The following ADD2 variants were observed in gnomAD, a reference collection of about 807,000 sequenced individuals.
ADD2 encodes the protein beta-adducin.
ADD2 carries 23 observed loss-of-function variants against 83.0 expected under a neutral mutation model. The observed-to-expected ratio is 0.28, with a 90% confidence interval of 0.20 to 0.39. The LOEUF is 0.39. Ranked by LOEUF, ADD2 falls within the 10% of genes least tolerant of loss-of-function variation. The pLI, the probability that ADD2 is intolerant of heterozygous loss-of-function variation, is 1.00. For missense variants in ADD2, 758 were observed against 944.9 expected, an observed-to-expected ratio of 0.80 and a Z score of 2.59; for synonymous variants, 375 against 375.4, an observed-to-expected ratio of 1.00 and a Z score of 0.01.
intron 1 of ADD2, among the ~76,000 whole-genome samples, chr2:70,723,947 T>G (rs1558560638): frequency 6.6e-6 from 1 of 152,224 alleles, no homozygotes; most frequent in Non-Finnish European, 1.5e-5. Flanking sequence ...GAAAAGGGCA[T>G]TTCAAGCACA....
chr2:70,687,909 TA>T (rs1460619536), intron 9 of ADD2, 114 bp downstream of exon 9: 1 of 716,742 alleles, frequency 1.4e-6, no homozygotes, highest in Non-Finnish European at 2.4e-6. Context: ...GCAAGGCTTT[TA>T]GATGGCTGGG....
intron 1 of ADD2, among the ~76,000 whole-genome samples, chr2:70,724,148 A>G (rs1672867356): frequency 6.6e-6 from 1 of 152,172 alleles, no homozygotes; most frequent in Non-Finnish European, 1.5e-5. Flanking sequence ...TGTTAAATGA[A>G]AAAGGTGTTG....
chr2:70,710,987 A>G (rs1318978866), intron 2 of ADD2: 1 of 152,236 alleles, frequency 6.6e-6, no homozygotes, highest in African/African-American at 2.4e-5. Context: ...AAATAACTGT[A>G]ATTATGTGTT....
At chr2:70,666,058 C>T (rs977597897) in intron 15 of ADD2, among the ~76,000 whole-genome samples, 5 of 152,214 alleles carry the variant, frequency 3.3e-5, no homozygotes, top group Non-Finnish European at 7.3e-5. Flanking sequence ...TCGTGATCCG[C>T]CCACCTTGGC....
rs1209235344 is a variant in ADD2, at chr2:70,672,732, C to G, written c.1870+146G>C. ...AGCTTGTGAGTGAAACAACATGAAA[C>G]TTGATAACCCCTATTTCTGATTTCC... On this transcript the variant is annotated intron_variant, in intron 15 of 15. Transcript: ENST00000264436. 5.4e-6 allele frequency: 5 copies of G among 918,152 alleles called. No homozygotes were observed. In the Admixed American group the frequency reaches 1.5e-4, roughly 28 times the overall value. The allele number at this position is 918,152 out of a possible 1,614,324, so 56.9% of individuals were successfully genotyped here.
chr2:70,684,706 C>T (rs918475127), intron 9 of ADD2, among the ~76,000 whole-genome samples: 9 of 152,200 alleles, frequency 5.9e-5, no homozygotes, highest in African/African-American at 2.2e-4. Flanking sequence ...AGAAAGGAGA[C>T]AGATAAAATG....
In ADD2 at chr2:70,738,876, C is replaced by T. The variant is rs1399909941; in HGVS notation, c.-153-25692G>A. Among the ~76,000 whole-genome samples the T allele has an allele frequency of 4.6e-5, 7 of 152,180 alleles. No homozygotes were observed. The South Asian group carries it at 1.5e-3, about 32-fold the overall frequency. On this transcript the variant is annotated intron_variant, in intron 1 of 15. Coordinates refer to ENST00000264436, the MANE Select transcript of ADD2 (RefSeq NM_001617.4). ...CTGGACCCCTTCCTTACACCATATACAAAAATCAACTCAAGATGCATTAAA... is the reference window on the plus strand; with the variant it reads ...CTGGACCCCTTCCTTACACCATATATAAAAATCAACTCAAGATGCATTAAA...
chr2:70,741,215 A>G (rs561337861), intron 1 of ADD2: 170 of 152,390 alleles, frequency 1.1e-3, no homozygotes, highest in African/African-American at 3.9e-3. Context: ...GGCAAAGAAC[A>G]GTAGCTTATA....
In ADD2 at chr2:70,676,949, G is replaced by C; in HGVS notation, c.1504-64C>G. ...CAGGGTCAGCGTGGAGTTTGGGAGG[G>C]GGCATACGGGTGTGCCTGGGGTCTA... On this transcript the variant is annotated intron_variant, in intron 12 of 15. Coordinates refer to ENST00000264436, the MANE Select transcript of ADD2 (RefSeq NM_001617.4). This position sits in a 1 kb window ranked among gnomAD's most constrained non-coding sequence, Gnocchi z 4.8. 1 of 1,575,188 alleles carries C rather than the reference G, an allele frequency of 6.3e-7. No homozygotes were observed.
Position 70,696,297 on chromosome 2 carries a change from T to C in ADD2, c.422A>G (p.Tyr141Cys). The C allele has an allele frequency of 1.2e-6, 2 of 1,613,840 alleles. No homozygotes were observed. The highest frequency in any genetic ancestry group is 2.2e-5 in the East Asian group (1 of 44,876). Residue 141 changes from tyrosine to cysteine, a missense_variant, in exon 5 of 16, where the codon TAC (tyrosine) becomes TGC (cysteine). Coordinates refer to ENST00000264436, the MANE Select transcript of ADD2 (RefSeq NM_001617.4). ...CCAGCCATAGAGGTCCAGGAGTCGG[T>C]AGACACTGCTGATCTTGCACCGCAT... ...RLMRCKISSV[Y>C]RLLDLYGWAQ...
intron 3 of ADD2, among the ~76,000 whole-genome samples, chr2:70,705,185 C>T (rs1280924838): frequency 6.6e-6 from 1 of 152,206 alleles, no homozygotes; most frequent in African/African-American, 2.4e-5. Context: ...CTCCTAGTCA[C>T]ACTCTGGGGG....
Position 70,678,859 on chromosome 2 carries a change from C to T in ADD2, c.1228G>A (p.Glu410Lys), listed in dbSNP as rs1553368974. The T allele has an allele frequency of 1.9e-6, 3 of 1,614,120 alleles. No homozygotes were observed. Among genetic ancestry groups the T allele is most frequent in the South Asian group, 1.1e-5 (1 of 91,090 alleles). ...GCGGGCACCGGGGCACCGTCCTCCT[C>T]AAACACGAAGGCTGTGACCGTGGCT... Reference protein sequence around the residue: ...IPATVTAFVFEEDGAPVPALR... With the variant: ...IPATVTAFVFKEDGAPVPALR... The change falls in exon 11 of 16, where the codon GAG (glutamate) becomes AAG (lysine). Residue 410 changes from glutamate to lysine, a missense_variant. Around this residue, in one of 5 missense-constraint regions of ADD2, gnomAD observed 394 missense variants for 509.3 expected, o/e 0.77. Coordinates refer to ENST00000264436, the MANE Select transcript of ADD2 (RefSeq NM_001617.4).
At chr2:70,713,830 C>T (rs1385302367) in intron 1 of ADD2, among the ~76,000 whole-genome samples, 1 of 151,958 alleles carries the variant, frequency 6.6e-6, no homozygotes, top group South Asian at 2.1e-4. Flanking sequence ...CTTCCTGAGA[C>T]CCCCAAAACA....
In ADD2 at chr2:70,704,345, C is replaced by T. The variant is rs782349268; in HGVS notation, c.298G>A (p.Ala100Thr). 1.6e-5 allele frequency: 25 copies of T among 1,568,030 alleles called. No homozygotes were observed. The South Asian group carries it at 1.8e-4, about 11-fold the overall frequency. The change falls in exon 4 of 16, where the codon GCA becomes ACA. Residue 100 changes from alanine (A) to threonine (T), a missense_variant. Physicochemically the swap from Ala to Thr is moderately conservative, Grantham distance 58 (BLOSUM62 0). This residue lies in a region of ADD2 where 175 missense variants were observed against 192.1 expected (regional missense o/e 0.91). Coordinates refer to ENST00000264436, the MANE Select transcript of ADD2 (RefSeq NM_001617.4). Reference protein sequence around the residue: ...IADFMASTSHAVFPTSSMNVS... With the variant: ...IADFMASTSHTVFPTSSMNVS... ...CTCATGGAAGATGTCGGGAAGACTG[C>T]GTGGGAGGTGCTGGCCATGAAGTCC...
intron 8 of ADD2, among the ~76,000 whole-genome samples, chr2:70,690,558 C>T (rs1048553131): frequency 6.6e-6 from 1 of 152,086 alleles, no homozygotes; most frequent in Non-Finnish European, 1.5e-5. Flanking sequence ...AAGGTAATTA[C>T]TATATATTGC....
chr2:70,737,864 A>G (rs1553380462), intron 1 of ADD2, among the ~76,000 whole-genome samples: 1 of 152,176 alleles, frequency 6.6e-6, no homozygotes, highest in Non-Finnish European at 1.5e-5. Flanking sequence ...AGGCCAAAGG[A>G]GCACAAGTCA....
chr2:70,720,183 T>C (rs1266758542), intron 1 of ADD2, among the ~76,000 whole-genome samples: 2 of 152,152 alleles, frequency 1.3e-5, no homozygotes, highest in Non-Finnish European at 2.9e-5. Flanking sequence ...AATCCTGCAC[T>C]ATCCCTCCCC....
chr2:70,766,137 T>A (rs1675368015), intron 1 of ADD2, among the ~76,000 whole-genome samples: 1 of 152,250 alleles, frequency 6.6e-6, no homozygotes, highest in Non-Finnish European at 1.5e-5. Context: ...ACAAGCATAT[T>A]TCTAATAAGG....
chr2:70,692,512 C>A lies in ADD2; in HGVS notation c.596G>T (p.Ser199Ile). ...TGTGGTGTCCACTGGGAAGCAGCTGCTGCCCTTCTCCACCACCTCTCCCAG... is the reference window on the plus strand; with the variant it reads ...TGTGGTGTCCACTGGGAAGCAGCTGATGCCCTTCTCCACCACCTCTCCCAG... Reference protein sequence around the residue: ...NILGEVVEKGSSCFPVDTTGF... With the variant: ...NILGEVVEKGISCFPVDTTGF... Residue 199 changes from serine (S) to isoleucine (I), a missense_variant, in exon 7 of 16, where the codon AGC becomes ATC. Physicochemically the swap from Ser to Ile is moderately radical, Grantham distance 142. Transcript: ENST00000264436. The A allele has an allele frequency of 6.2e-7, 1 of 1,612,366 alleles. No individual in the cohort carries two copies. The highest frequency in any genetic ancestry group is 1.1e-5 in the South Asian group (1 of 90,920).
Sources: allele counts gnomAD v4.1 joint callset (sites outside exome capture counted in the v4.1 genomes callset), GRCh38; gene constraint gnomAD v4.1.1; regional missense constraint gnomAD v4.1.1; non-coding constraint Gnocchi (gnomAD v3.1); transcripts MANE v1.5; gene names NCBI Gene and HGNC (gene_info 2026-07-23, HGNC 2026-07-21).